Variants in LRP8 observed in about 807,000 individuals in gnomAD.
LRP8 encodes LDL receptor related protein 8.
In LRP8, 46 loss-of-function variants were observed where a neutral mutation model predicts 111.6. That is an observed-to-expected ratio of 0.41 (90% CI 0.33 to 0.53). The LOEUF is 0.53. Among genes scored for constraint, LRP8 ranks in the 20% least tolerant of loss-of-function variants. The pLI, the probability that LRP8 is intolerant of heterozygous loss-of-function variation, is 0.20. For synonymous variants in LRP8, 464 were observed against 511.2 expected, an observed-to-expected ratio of 0.91 and a Z score of 1.24; for missense variants, 959 against 1,297.4, an observed-to-expected ratio of 0.74 and a Z score of 4.01.
intron 4 of LRP8, among the ~76,000 whole-genome samples, chr1:53,280,202 G>A (rs1421348526): frequency 6.6e-6 from 1 of 152,128 alleles, no homozygotes; most frequent in African/African-American, 2.4e-5. Flanking sequence ...TGGTCCCCCT[G>A]CCCTTGCTCC....
intron 3 of LRP8, among the ~76,000 whole-genome samples, chr1:53,282,178 G>C (rs868542388): frequency 3.3e-5 from 5 of 152,116 alleles, no homozygotes; most frequent in African/African-American, 1.2e-4. Context: ...GCAGGTATCT[G>C]AGTCAAGGTC....
At chr1:53,324,782 CA>C (rs995225200) in intron 2 of LRP8, among the ~76,000 whole-genome samples, 16 of 152,290 alleles carry the variant, frequency 1.1e-4, no homozygotes, top group Non-Finnish European at 1.9e-4. Context: ...CCAGGCCTAA[CA>C]TTTAAAGCCC....
rs1646892809 is a variant in LRP8, at chr1:53,275,619, G to A, written c.1006+12C>T. ...TCACAGAGGATGTGTTCTGTGCCCT[G>A]ACCACACGCACCCTGTAGGCAGCCA... On this transcript the variant is annotated intron_variant, in intron 6 of 18. Transcript: ENST00000306052. The surrounding 1 kb of genome is among the most constrained non-coding windows in gnomAD (Gnocchi z 4.4). 1 of 1,613,628 alleles carries A rather than the reference G, an allele frequency of 6.2e-7. No homozygotes were observed. The highest frequency in any genetic ancestry group is 1.3e-5 in the African/African-American group (1 of 74,858).
At chr1:53,289,804 C>A in intron 2 of LRP8, 115 bp from the exon 3 acceptor site, 1 of 1,373,258 alleles carries the variant, frequency 7.3e-7, no homozygotes, top group Admixed American at 1.9e-5. Context: ...TGACCAAGGG[C>A]AGAGGACAGG....
chr1:53,295,134 G>A (rs1649458708), intron 2 of LRP8, among the ~76,000 whole-genome samples: 1 of 152,208 alleles, frequency 6.6e-6, no homozygotes, highest in South Asian at 2.1e-4. Flanking sequence ...CCACTTTGTA[G>A]CCAGCAAGCC....
At chr1:53,281,352 G>C (rs1376791941) in intron 3 of LRP8, among the ~76,000 whole-genome samples, 1 of 152,376 alleles carries the variant, frequency 6.6e-6, no homozygotes, top group African/African-American at 2.4e-5. Context: ...TGAAGCCCCA[G>C]GGTTGAATCT....
intron 18 of LRP8, 55 bp from the exon 19 acceptor site, chr1:53,247,111 T>A: frequency 7.0e-7 from 1 of 1,418,714 alleles, no homozygotes; most frequent in Non-Finnish European, 9.7e-7. Flanking sequence ...TACTATTTAT[T>A]TAGTATTGAC....
chr1:53,261,005 C>T (rs1646315321), intron 12 of LRP8, among the ~76,000 whole-genome samples: 1 of 152,150 alleles, frequency 6.6e-6, no homozygotes, highest in South Asian at 2.1e-4. Context: ...TCTGGGTATC[C>T]ACACGAGTCC....
rs1028356209 is a variant in LRP8 at position 53,279,360 on chromosome 1, A to G, written c.496+1227T>C. Among the ~76,000 whole-genome samples, 1 of 152,176 alleles carries G rather than the reference A, an allele frequency of 6.6e-6. No individual in the cohort carries two copies. On this transcript the variant is annotated intron_variant, in intron 4 of 18. Transcript: ENST00000306052. This position sits in a 1 kb window ranked among gnomAD's most constrained non-coding sequence, Gnocchi z 4.4. Reference sequence around the variant, plus strand: ...TCCTATTCCAACATGCCCTAGTTGGAGAGACTCCCATCCCTTGCAGTAGCG... The same window carrying G: ...TCCTATTCCAACATGCCCTAGTTGGGGAGACTCCCATCCCTTGCAGTAGCG...
Position 53,246,865 on chromosome 1 carries a change from A to G in LRP8, c.*153T>C. ...TGCAGTTCATCATAACTTTGTGGTTACCTTTCCGCAACATAAATTTAAAAA... is the reference window on the plus strand; with the variant it reads ...TGCAGTTCATCATAACTTTGTGGTTGCCTTTCCGCAACATAAATTTAAAAA... On this transcript the variant is annotated 3_prime_UTR_variant, in exon 19 of 19. Coordinates refer to ENST00000306052, the MANE Select transcript of LRP8 (RefSeq NM_004631.5). 1 of 630,886 alleles carries G rather than the reference A, an allele frequency of 1.6e-6. No homozygotes were observed. Among genetic ancestry groups the G allele is most frequent in the Non-Finnish European group, 2.7e-6 (1 of 367,992 alleles). The allele number at this position is 630,886 out of a possible 1,614,324, so 39.1% of individuals were successfully genotyped here. A position where few individuals can be genotyped will look rare whatever the true frequency, so the allele number is the denominator to read the frequency against.
chr1:53,249,137 A>G lies in LRP8; in HGVS notation c.2853+243T>C, dbSNP rs777968947. On this transcript the variant is annotated intron_variant, in intron 18 of 18. Coordinates refer to ENST00000306052, the MANE Select transcript of LRP8 (RefSeq NM_004631.5). The surrounding 1 kb of genome is among the most constrained non-coding windows in gnomAD (Gnocchi z 4.1). ...CCTCATTTGCTCCATCTCATTTCCC[A>G]TGTCTCCCCTTCATGAACAGTTTGC... 6.6e-5 allele frequency among the ~76,000 whole-genome samples: 10 copies of G among 152,166 alleles called. No individual in the cohort carries two copies. In the Middle Eastern group the frequency reaches 0.01, roughly 155 times the overall value.
At chr1:53,257,557 G>T (rs1280264551) in intron 14 of LRP8, 93 bp from the exon 15 acceptor site, 1 of 946,258 alleles carries the variant, frequency 1.1e-6, no homozygotes, top group Non-Finnish European at 1.6e-6. Context: ...TATCTTCATG[G>T]CGTAGCTCAA....
Position 53,264,156 on chromosome 1 carries a change from T to G in LRP8, c.1655+13A>C. On this transcript the variant is annotated intron_variant, in intron 10 of 18. Transcript: ENST00000306052. ...TATGGTGGGAGAATGGGAAGTTCAG[T>G]TGGGACACTCACCCTCGCAGGGGGT... 1 of 1,612,974 alleles carries G rather than the reference T, an allele frequency of 6.2e-7. No individual in the cohort carries two copies. Among genetic ancestry groups the G allele is most frequent in the South Asian group, 1.1e-5 (1 of 90,980 alleles).
rs1646123199 is a variant in LRP8 at position 53,257,133 on chromosome 1, A to G, written c.2434+107T>C. 3 of 990,490 alleles carry G rather than the reference A, an allele frequency of 3.0e-6. No homozygotes were observed. The East Asian group carries it at 7.8e-5, about 26-fold the overall frequency. The allele number at this position is 990,490 out of a possible 1,614,324, so 61.4% of individuals were successfully genotyped here. On this transcript the variant is annotated intron_variant, in intron 15 of 18. Transcript: ENST00000306052. The stretch of plus-strand genomic sequence containing the variant: ...CAGATATGCAGTAACCTCCTCAAAG[A>G]TATGCAGTATTCAGCTCTGGTAGGT...
intron 3 of LRP8, among the ~76,000 whole-genome samples, chr1:53,281,749 T>C (rs1647118648): frequency 6.6e-6 from 1 of 152,144 alleles, no homozygotes; most frequent in Non-Finnish European, 1.5e-5. Context: ...GATAATACTA[T>C]CTCTCATAGG....
At chr1:53,302,150 C>T (rs894754714) in intron 2 of LRP8, among the ~76,000 whole-genome samples, 5 of 152,136 alleles carry the variant, frequency 3.3e-5, no homozygotes, top group African/African-American at 1.2e-4. Flanking sequence ...GTGATTTTGG[C>T]TGGCAGTAGT....
intron 4 of LRP8, 40 bp downstream of exon 4, chr1:53,280,547 C>T (rs1272464024): frequency 1.0e-5 from 16 of 1,601,164 alleles, no homozygotes; most frequent in Non-Finnish European, 1.4e-5. Flanking sequence ...GGCTGCCTGA[C>T]CATGCTTGGC....
rs760886332 is a variant in LRP8 at position 53,266,482 on chromosome 1, T to C, written c.1418A>G (p.Lys473Arg). ...RIYWCDLSYR[K>R]IYSAYMDKAS... ...GGATATGGCCGCTCACCTATAGATC[T>C]TACGGTAGGAGAGGTCACACCAGTA... The change falls in exon 9 of 19, where the codon AAG (lysine) becomes AGG (arginine). Residue 473 changes from lysine (K) to arginine (R), a missense_variant. By Grantham distance (26) the Lys-to-Arg change is conservative (BLOSUM62 2). Around this residue, in one of 3 missense-constraint regions of LRP8, gnomAD observed 819 missense variants for 1,097.6 expected, o/e 0.75. Coordinates refer to ENST00000306052, the MANE Select transcript of LRP8 (RefSeq NM_004631.5). This position sits in a 1 kb window ranked among gnomAD's most constrained non-coding sequence, Gnocchi z 5.0. 1.2e-6 allele frequency: 2 copies of C among 1,614,150 alleles called. No homozygotes were observed. The highest frequency in any genetic ancestry group is 2.2e-5 in the South Asian group (2 of 91,076).
At chr1:53,276,647 A>G (rs759454785) in intron 5 of LRP8, 45 bp downstream of exon 5, 1 of 1,429,308 alleles carries the variant, frequency 7.0e-7, no homozygotes, top group Non-Finnish European at 9.3e-7. Context: ...CGGATAGCGG[A>G]TCCGCAATCC....
Sources: gnomAD v4.1 joint callset for allele counts (sites outside exome capture counted in the v4.1 genomes callset) on GRCh38, gnomAD v4.1.1 for gene constraint, gnomAD v4.1.1 regional missense constraint, Gnocchi (gnomAD v3.1) non-coding constraint, MANE v1.5 for transcripts, NCBI Gene and HGNC (gene_info 2026-07-23, HGNC 2026-07-21) for gene names.